Variants in AGK observed in about 807,000 individuals in gnomAD.
AGK encodes acylglycerol kinase, mitochondrial.
AGK carries 52 observed loss-of-function variants against 66.4 expected under a neutral mutation model. The observed-to-expected ratio is 0.78, with a 90% CI of 0.63 to 0.99. The LOEUF is 0.99. AGK is among the 50% of genes least tolerant of loss of function. AGK has a pLI of 0.00. For synonymous variants in AGK, 182 were observed against 181.1 expected, an observed-to-expected ratio of 1.00 and a Z score of -0.04; for missense variants, 451 against 506.6, an observed-to-expected ratio of 0.89 and a Z score of 1.05.
intron 2 of AGK, among the ~76,000 whole-genome samples, chr7:141,578,718 G>A (rs995375210): frequency 1.3e-5 from 2 of 151,246 alleles, no homozygotes; most frequent in Admixed American, 6.6e-5. Flanking sequence ...AGAATGATTG[G>A]TGATGGCCTG....
intron 9 of AGK, among the ~76,000 whole-genome samples, chr7:141,633,441 T>G (rs1035807563): frequency 1.3e-5 from 2 of 152,226 alleles, no homozygotes; most frequent in African/African-American, 4.8e-5. Flanking sequence ...TAACACGTAT[T>G]TGACTGTAGT....
At chr7:141,617,636 C>T (rs955856537) in intron 8 of AGK, among the ~76,000 whole-genome samples, 1 of 152,146 alleles carries the variant, frequency 6.6e-6, no homozygotes, top group Non-Finnish European at 1.5e-5. Flanking sequence ...TGCTACAGTG[C>T]TGCTTTATTT....
intron 2 of AGK, among the ~76,000 whole-genome samples, chr7:141,556,492 G>C (rs1463109227): frequency 6.7e-6 from 1 of 150,040 alleles, no homozygotes; most frequent in Non-Finnish European, 1.5e-5. Context: ...GGTGATCCCA[G>C]ATCGGGCCAC....
intron 9 of AGK, 108 bp from the exon 10 acceptor site, chr7:141,633,793 A>G: frequency 1.1e-6 from 1 of 922,014 alleles, no homozygotes; most frequent in Non-Finnish European, 1.7e-6. Flanking sequence ...ACTTTTTAGA[A>G]TTTTGGTTTG....
At chr7:141,562,231 CCTT>C in intron 2 of AGK, 1 of 453,408 alleles carries the variant, frequency 2.2e-6, no homozygotes, top group South Asian at 1.6e-5. Flanking sequence ...GTTGTTTTCT[CCTT>C]CTCGGGAGCA....
chr7:141,578,491 A>G (rs141815301), intron 2 of AGK, among the ~76,000 whole-genome samples: 9 of 151,928 alleles, frequency 5.9e-5, no homozygotes, highest in Admixed American at 2.6e-4. Flanking sequence ...GCCTTCTTAT[A>G]TTAATAAGAA....
chr7:141,592,601 A>G (rs1796144911), intron 2 of AGK, among the ~76,000 whole-genome samples: 1 of 152,152 alleles, frequency 6.6e-6, no homozygotes, highest in African/African-American at 2.4e-5. Context: ...GGGATGTGGC[A>G]TTATTCTGGT....
intron 5 of AGK, among the ~76,000 whole-genome samples, chr7:141,604,582 ATT>A (rs201589014): frequency 7.4e-5 from 10 of 135,370 alleles, no homozygotes; most frequent in East Asian, 2.1e-4. Context: ...ATCTTGTAGA[ATT>A]TTTTTTTTTT....
intron 4 of AGK, among the ~76,000 whole-genome samples, chr7:141,600,983 A>G (rs1231001550): frequency 6.6e-6 from 1 of 152,122 alleles, no homozygotes; most frequent in Non-Finnish European, 1.5e-5. Context: ...AGCTTATTGC[A>G]TTAGATAAAC....
chr7:141,563,627 C>T (rs1050883608), intron 2 of AGK, among the ~76,000 whole-genome samples: 2 of 152,206 alleles, frequency 1.3e-5, no homozygotes, highest in Admixed American at 1.3e-4. Context: ...CAACTTCACC[C>T]CCTTCTCATT....
intron 2 of AGK, among the ~76,000 whole-genome samples, chr7:141,592,904 A>C (rs935810183): frequency 6.6e-6 from 1 of 151,010 alleles, no homozygotes; most frequent in African/African-American, 2.4e-5. Context: ...AGGTTTCACC[A>C]TGTTGGCCAG....
intron 13 of AGK, among the ~76,000 whole-genome samples, chr7:141,642,723 A>T (rs1797316874): frequency 6.6e-6 from 1 of 152,226 alleles, no homozygotes; most frequent in Admixed American, 6.5e-5. Context: ...TGTGAACAGA[A>T]AAATACGTAA....
At chr7:141,625,300 C>G (rs1051563210) in intron 9 of AGK, among the ~76,000 whole-genome samples, 1 of 152,120 alleles carries the variant, frequency 6.6e-6, no homozygotes, top group Non-Finnish European at 1.5e-5. Flanking sequence ...AAGAATTGCT[C>G]TCTATCTCCT....
rs561894438 is a variant in AGK, at chr7:141,577,742, C to T, written c.102-15404C>T. Among the ~76,000 whole-genome samples, 211 of 152,014 alleles carry T rather than the reference C, an allele frequency of 1.4e-3. 2 individuals carry two copies. The highest frequency in any genetic ancestry group is 4.8e-3 in the African/African-American group (199 of 41,466). On this transcript the variant is annotated intron_variant, in intron 2 of 15. Coordinates refer to ENST00000649286, the MANE Select transcript of AGK (RefSeq NM_018238.4). ...AGTGCACAGGCCGGTTGGGGTTTCT[C>T]GGGGACCCCTTAGTCTTGGCTGTCT... is the stretch of plus-strand genomic sequence containing the variant.
At chr7:141,564,356 A>C (rs1265062542) in intron 2 of AGK, among the ~76,000 whole-genome samples, 2 of 152,222 alleles carry the variant, frequency 1.3e-5, no homozygotes, top group African/African-American at 4.8e-5. Context: ...CAGGAAACTT[A>C]CAGTCATGGC....
intron 9 of AGK, among the ~76,000 whole-genome samples, chr7:141,622,680 G>T (rs1281338400): frequency 1.3e-5 from 2 of 152,140 alleles, no homozygotes; most frequent in Non-Finnish European, 2.9e-5. Flanking sequence ...CAACAGTATT[G>T]AAATTAGACC....
chr7:141,611,477 C>T (rs929798943), intron 6 of AGK, among the ~76,000 whole-genome samples, 190 bp downstream of exon 6: 1 of 151,768 alleles, frequency 6.6e-6, no homozygotes, highest in Admixed American at 6.6e-5. Context: ...TTTTGTAAAC[C>T]CTCTACCCAG....
chr7:141,574,091 T>A (rs1279690069), intron 2 of AGK, among the ~76,000 whole-genome samples: 1 of 152,192 alleles, frequency 6.6e-6, no homozygotes, highest in Admixed American at 6.5e-5. Flanking sequence ...AAAGATAATG[T>A]TACACAGTAT....
intron 5 of AGK, among the ~76,000 whole-genome samples, chr7:141,609,448 A>G (rs1017511282): frequency 6.6e-6 from 1 of 152,220 alleles, no homozygotes; most frequent in Non-Finnish European, 1.5e-5. Flanking sequence ...CCAGTATATT[A>G]TAAAGGATAC....
Sources: allele counts gnomAD v4.1 joint callset (sites outside exome capture counted in the v4.1 genomes callset), GRCh38; gene constraint gnomAD v4.1.1; transcripts MANE v1.5; gene names NCBI Gene and HGNC (gene_info 2026-07-23, HGNC 2026-07-21).